RAB37: variants seen among roughly 807,000 people sequenced by gnomAD.
The protein encoded by RAB37 is ras-related protein Rab-37.
A neutral mutation model predicts 33.1 loss-of-function variants in RAB37; 29 were observed. The ratio of observed to expected loss-of-function variants is 0.88; its 90% CI spans 0.65 to 1.20. RAB37 has a LOEUF of 1.20. Ranked by LOEUF, RAB37 falls within the 50% of genes most tolerant of loss-of-function variation. RAB37 has a pLI of 0.00. For synonymous variants in RAB37, 128 were observed against 119.5 expected, an observed-to-expected ratio of 1.07 and a Z score of -0.47; for missense variants, 299 against 301.1, an observed-to-expected ratio of 0.99 and a Z score of 0.05.
chr17:74,743,985 T>C (rs1053634434), intron 5 of RAB37, among the ~76,000 whole-genome samples: 6 of 152,176 alleles, frequency 3.9e-5, no homozygotes, highest in Admixed American at 3.9e-4. Context: ...GAAACCCTTA[T>C]GTGGTCTTAG....
upstream of RAB37, chr17:74,736,519 G>A (rs1237597452): frequency 2.8e-6 from 4 of 1,435,978 alleles, no homozygotes; most frequent in Non-Finnish European, 2.7e-6. Flanking sequence ...GGGCCAGGGT[G>A]AGTGTCATGG....
upstream of RAB37, among the ~76,000 whole-genome samples, chr17:74,733,454 G>GTGTGA (rs1555593968): frequency 4.6e-3 from 2 of 434 alleles, no homozygotes; most frequent in Non-Finnish European, 5.7e-3. Context: ...TGTGAGGTGT[G>GTGTGA]TGTGATTTGA....
At chr17:74,708,155 A>AAAAAAAG (rs1330555527) in intron 1 of RAB37, among the ~76,000 whole-genome samples, 1 of 151,728 alleles carries the variant, frequency 6.6e-6, no homozygotes, top group African/African-American at 2.4e-5. Flanking sequence ...CTCAAAAAAA[A>AAAAAAAG]AAAAAAGAAA....
upstream of RAB37, among the ~76,000 whole-genome samples, chr17:74,735,227 G>A (rs1334735390): frequency 1.2e-4 from 17 of 142,050 alleles, no homozygotes; most frequent in Non-Finnish European, 2.6e-4. Flanking sequence ...GAGGGGAGGG[G>A]AGGGAAGGGG....
chr17:74,702,009 A>C (rs2033096591), intron 1 of RAB37, among the ~76,000 whole-genome samples: 1 of 151,908 alleles, frequency 6.6e-6, no homozygotes, highest in African/African-American at 2.4e-5. Context: ...CTACAGAGCA[A>C]GACTGTCTAA....
chr17:74,704,382 G>T, intron 1 of RAB37: 1 of 905,150 alleles, frequency 1.1e-6, no homozygotes, highest in Non-Finnish European at 1.7e-6. Flanking sequence ...TCAAGTGATA[G>T]ATCACTCAGT....
At chr17:74,694,745 T>G in intron 1 of RAB37, 6 of 182,158 alleles carry the variant, frequency 3.3e-5, no homozygotes, top group Non-Finnish European at 5.7e-5. Flanking sequence ...GCCCATAACA[T>G]GTGGTAGGCA....
intron 1 of RAB37, among the ~76,000 whole-genome samples, chr17:74,680,449 A>T (rs954482539): frequency 6.6e-6 from 1 of 152,144 alleles, no homozygotes. Context: ...GCCACATTAT[A>T]ATCAGGAGAT....
At chr17:74,712,032 C>T (rs1388322612) in intron 1 of RAB37, among the ~76,000 whole-genome samples, 1 of 151,582 alleles carries the variant, frequency 6.6e-6, no homozygotes, top group Non-Finnish European at 1.5e-5. Context: ...AGCCTCCAGC[C>T]TCCCAAGTAG....
At chr17:74,710,065 G>A (rs368101177) in intron 1 of RAB37, among the ~76,000 whole-genome samples, 3 of 152,000 alleles carry the variant, frequency 2.0e-5, no homozygotes, top group Admixed American at 1.3e-4. Flanking sequence ...TGCAAGTTCC[G>A]CCTCCCGGGT....
intron 1 of RAB37, among the ~76,000 whole-genome samples, chr17:74,715,704 C>G (rs2034156586): frequency 6.6e-6 from 1 of 152,170 alleles, no homozygotes; most frequent in Non-Finnish European, 1.5e-5. Context: ...GACCTGGCCT[C>G]CCCAAGAAGG....
chr17:74,734,969 A>C (rs1211218599), upstream of RAB37, among the ~76,000 whole-genome samples: 3 of 144,418 alleles, frequency 2.1e-5, no homozygotes, highest in Non-Finnish European at 4.5e-5. Flanking sequence ...GAAAGAAAGA[A>C]AAAGAAAGAA....
At position 74,744,177 on chromosome 17, in the gene RAB37, A is replaced by T; in HGVS notation, c.367-131A>T. The T allele has an allele frequency of 2.3e-6, 2 of 855,414 alleles. No individual in the cohort carries two copies. The highest frequency in any genetic ancestry group is 1.6e-5 in the South Asian group (1 of 61,172). The allele number at this position is 855,414 out of a possible 1,614,324, so 53.0% of individuals were successfully genotyped here. ...TCCAGGCCTGGATGGGCCAGAACAAAGGTACAGATGAGAGAACGCACAGGG... is the reference window on the plus strand; with the variant it reads ...TCCAGGCCTGGATGGGCCAGAACAATGGTACAGATGAGAGAACGCACAGGG... On this transcript the variant is annotated intron_variant, in intron 5 of 8. Coordinates refer to ENST00000392613, the MANE Select transcript of RAB37 (RefSeq NM_001006638.3). This position sits in a 1 kb window ranked among gnomAD's most constrained non-coding sequence, Gnocchi z 4.2.
At chr17:74,695,105 G>A in intron 1 of RAB37, 1 of 1,613,710 alleles carries the variant, frequency 6.2e-7, no homozygotes, top group Non-Finnish European at 8.5e-7. Context: ...GCTAAGGCCT[G>A]CTGATGGTGC....
chr17:74,693,162 A>G lies in RAB37; in HGVS notation c.72+21504A>G, dbSNP rs909327877. Among the ~76,000 whole-genome samples, 8 of 152,250 alleles carry G rather than the reference A, an allele frequency of 5.3e-5. No homozygotes were observed. In the East Asian group the frequency reaches 1.2e-3, roughly 22 times the overall value. ...AGGCCTCTTCTAAGAGGTAACATTT[A>G]AGCTGAAATGTGATGATAAAAAGGA... On this transcript the variant is annotated intron_variant, in intron 1 of 7. Coordinates refer to the RAB37 transcript ENST00000340415.
chr17:74,683,536 C>A (rs975421511), intron 1 of RAB37, among the ~76,000 whole-genome samples: 8 of 152,212 alleles, frequency 5.3e-5, no homozygotes, highest in Admixed American at 5.2e-4. Flanking sequence ...TCACATAACG[C>A]CCTGCACTTA....
rs2034745788 is a variant in RAB37, at chr17:74,745,734, C to G, written c.*323C>G. The G allele has an allele frequency of 3.6e-6, 1 of 279,238 alleles. No individual in the cohort carries two copies. The highest frequency in any genetic ancestry group is 4.4e-5 in the South Asian group (1 of 22,930). The allele number at this position is 279,238 out of a possible 1,614,324, so 17.3% of individuals were successfully genotyped here. ...AGGACTTGGGGGGCCGGCCCTCCCT[C>G]CTAAGCATAACAAAGGTGGTGTTGC... On this transcript the variant is annotated 3_prime_UTR_variant, in exon 9 of 9. Coordinates refer to ENST00000392613, the MANE Select transcript of RAB37 (RefSeq NM_001006638.3). This position sits in a 1 kb window ranked among gnomAD's most constrained non-coding sequence, Gnocchi z 4.5.
At chr17:74,734,147 G>A (rs1248193353), upstream of RAB37, among the ~76,000 whole-genome samples, 3 of 152,160 alleles carry the variant, frequency 2.0e-5, no homozygotes, top group South Asian at 2.1e-4. Context: ...GCAGGGCCAC[G>A]CTCCCTCTGA....
chr17:74,723,090 T>G (rs891768621), intron 1 of RAB37, among the ~76,000 whole-genome samples: 7 of 152,228 alleles, frequency 4.6e-5, no homozygotes, highest in African/African-American at 1.7e-4. Context: ...GAAAAAGCTT[T>G]GCGTCTTCCG....
Sources: allele counts gnomAD v4.1 joint callset (sites outside exome capture counted in the v4.1 genomes callset), GRCh38; gene constraint gnomAD v4.1.1; non-coding constraint Gnocchi (gnomAD v3.1); transcripts MANE v1.5; gene names NCBI Gene and HGNC (gene_info 2026-07-23, HGNC 2026-07-21).